The following DPP6 variants were observed in gnomAD, a reference collection of about 807,000 sequenced individuals.
The protein encoded by DPP6 is dipeptidyl peptidase like 6, also known as A-type potassium channel modulatory protein DPP6.
In DPP6, 69 loss-of-function variants were observed where a neutral mutation model predicts 122.6. The observed-to-expected ratio is 0.56, with a 90% CI of 0.46 to 0.69. The LOEUF is 0.69. Ranked by LOEUF, DPP6 falls within the 30% of genes least tolerant of loss-of-function variation. The pLI is 0.00. For synonymous variants in DPP6, 418 were observed against 433.1 expected (o/e 0.97, Z 0.43); for missense variants, 928 against 1,116.9 (o/e 0.83, Z 2.41).
the DPP6 span, among the ~76,000 whole-genome samples, chr7:153,871,230 C>G: frequency 2.6e-5 from 4 of 152,344 alleles, no homozygotes; most frequent in Middle Eastern, 0.01. Flanking sequence ...TTTTGTTTGT[C>G]TGTGCCCTGC....
At chr7:153,871,280 G>T in the DPP6 span, among the ~76,000 whole-genome samples, 1 of 152,220 alleles carries the variant, frequency 6.6e-6, no homozygotes, top group Non-Finnish European at 1.5e-5. Context: ...AGGCCTCCTT[G>T]AGCTGTGGTG....
intron 2 of DPP6, among the ~76,000 whole-genome samples, chr7:154,464,726 A>C (rs1348093523): frequency 1.3e-5 from 2 of 152,220 alleles, no homozygotes; most frequent in Admixed American, 6.5e-5. Flanking sequence ...TTACTTAAAT[A>C]AATTGGGTTT....
At chr7:154,839,670 A>G (rs1364892283) in intron 16 of DPP6, among the ~76,000 whole-genome samples, 3 of 152,212 alleles carry the variant, frequency 2.0e-5, no homozygotes, top group African/African-American at 7.2e-5. Flanking sequence ...CACAGAGAAG[A>G]TGCTGGGGCT....
intron 16 of DPP6, among the ~76,000 whole-genome samples, chr7:154,829,887 C>G (rs2030792): frequency 1.3e-5 from 2 of 151,878 alleles, no homozygotes; most frequent in Non-Finnish European, 2.9e-5. Context: ...GTCAGCCTTC[C>G]AGAAGTGCCT....
At chr7:154,169,620 G>C (rs1797433926) in intron 1 of DPP6, among the ~76,000 whole-genome samples, 3 of 152,308 alleles carry the variant, frequency 2.0e-5, no homozygotes, top group African/African-American at 4.8e-5. Context: ...ATACAAGGTA[G>C]ATGCTTCATT....
At chr7:154,093,335 C>T (rs142353856) in intron 1 of DPP6, among the ~76,000 whole-genome samples, 39,406 of 141,808 alleles carry the variant, frequency 0.28, 5,499 homozygotes, top group Admixed American at 0.35. Flanking sequence ...CTACACACCA[C>T]ATCATACACA....
At chr7:154,666,992 ATG>A (rs1838208405) in intron 6 of DPP6, among the ~76,000 whole-genome samples, 1 of 152,178 alleles carries the variant, frequency 6.6e-6, no homozygotes, top group Admixed American at 6.5e-5. Context: ...CCCCAGCACC[ATG>A]TGTCATACTT....
intron 3 of DPP6, among the ~76,000 whole-genome samples, chr7:154,513,863 AC>A (rs886344418): frequency 6.6e-6 from 1 of 152,140 alleles, no homozygotes; most frequent in African/African-American, 2.4e-5. Flanking sequence ...TGAAATAAAC[AC>A]CTACTCAAAC....
intron 20 of DPP6, among the ~76,000 whole-genome samples, chr7:154,878,589 C>G (rs1563315120): frequency 6.6e-6 from 1 of 152,212 alleles, no homozygotes; most frequent in African/African-American, 2.4e-5. Flanking sequence ...GACACATTAG[C>G]CTGACTCCTC....
intron 1 of DPP6, among the ~76,000 whole-genome samples, chr7:153,973,586 G>A (rs543910892): frequency 6.6e-6 from 1 of 151,946 alleles, no homozygotes; most frequent in African/African-American, 2.4e-5. Context: ...AGGGGTGGGA[G>A]TCTGGTGGGG....
intron 1 of DPP6, among the ~76,000 whole-genome samples, chr7:154,209,415 A>G (rs1452935203): frequency 6.6e-6 from 1 of 152,150 alleles, no homozygotes; most frequent in East Asian, 1.9e-4. Context: ...GCCTCTCATT[A>G]TCACCTAAGG....
chr7:154,204,293 GAACTA>G (rs1428158677), intron 1 of DPP6, among the ~76,000 whole-genome samples: 1 of 152,188 alleles, frequency 6.6e-6, no homozygotes, highest in Non-Finnish European at 1.5e-5. Context: ...CATTAGTGAG[GAACTA>G]AACTGCTTTG....
At chr7:153,892,926 G>A (rs769911850) in intron 1 of DPP6, among the ~76,000 whole-genome samples, 1 of 152,076 alleles carries the variant, frequency 6.6e-6, no homozygotes, top group Non-Finnish European at 1.5e-5. Context: ...ATAACTAGAC[G>A]TTTCTTGAAA....
At chr7:154,563,533 A>G (rs1830558939) in intron 4 of DPP6, among the ~76,000 whole-genome samples, 1 of 152,224 alleles carries the variant, frequency 6.6e-6, no homozygotes. Flanking sequence ...GACAAGGGTA[A>G]TGGTGGTGGG....
At chr7:154,023,493 T>A (rs965162246) in intron 1 of DPP6, among the ~76,000 whole-genome samples, 4 of 151,388 alleles carry the variant, frequency 2.6e-5, no homozygotes, top group Admixed American at 6.6e-5. Flanking sequence ...CCTTTGGAAT[T>A]TTTTTTTGAC....
intron 1 of DPP6, among the ~76,000 whole-genome samples, chr7:154,308,314 T>C (rs1456527983): frequency 6.6e-6 from 1 of 151,254 alleles, no homozygotes; most frequent in Non-Finnish European, 1.5e-5. Context: ...CCGTGTTTGC[T>C]AAAAAAAATG....
chr7:154,091,120 CA>C (rs71850251), intron 1 of DPP6, among the ~76,000 whole-genome samples: 13,849 of 123,030 alleles, frequency 0.11, 906 homozygotes, highest in African/African-American at 0.21. Context: ...GACTCCTTCT[CA>C]AAAAAAAAAA....
At chr7:154,675,069 A>C (rs1393434349) in intron 7 of DPP6, among the ~76,000 whole-genome samples, 5 of 152,200 alleles carry the variant, frequency 3.3e-5, no homozygotes, top group Non-Finnish European at 7.3e-5. Flanking sequence ...AAGGTCACAG[A>C]ATAGTTTATC....
chr7:154,338,878 C>G (rs920893641), intron 1 of DPP6, among the ~76,000 whole-genome samples: 7 of 152,152 alleles, frequency 4.6e-5, no homozygotes, highest in African/African-American at 1.4e-4. Context: ...TGCATGGCGG[C>G]GGGTGGCATT....
Sources: gnomAD v4.1 joint callset for allele counts (sites outside exome capture counted in the v4.1 genomes callset) on GRCh38, gnomAD v4.1.1 for gene constraint, MANE v1.5 for transcripts, NCBI Gene and HGNC (gene_info 2026-07-23, HGNC 2026-07-21) for gene names.